Variants in GLYR1 observed in about 807,000 individuals in gnomAD.
GLYR1 encodes the protein cytokine-like nuclear factor N-PAC.
In GLYR1, 21 loss-of-function variants were observed where a neutral mutation model predicts 72.7. That is an observed-to-expected ratio of 0.29 (90% CI 0.20 to 0.42). The LOEUF (loss-of-function observed/expected upper bound fraction) is 0.42. Ranked by LOEUF, GLYR1 falls within the 10% of genes least tolerant of loss-of-function variation. GLYR1 has a pLI of 1.00. For missense variants in GLYR1, 594 were observed against 712.1 expected, an observed-to-expected ratio of 0.83 and a Z score of 1.89; for synonymous variants, 392 against 270.2, an observed-to-expected ratio of 1.45 and a Z score of -4.42.
At chr16:4,844,526 T>G (rs1462673880) in intron 3 of GLYR1, among the ~76,000 whole-genome samples, 3 of 152,214 alleles carry the variant, frequency 2.0e-5, no homozygotes, top group African/African-American at 7.2e-5. Context: ...AATCCAGCAC[T>G]TTGGGAGGCC....
Position 4,820,954 on chromosome 16 carries a change from C to T in GLYR1, c.806+426G>A, listed in dbSNP as rs1348914661. ...TGCCCCACCATGGCCAATTTTGGGG[C>T]CTCATCATGATTCTACTCAGCCAGT... is the stretch of plus-strand genomic sequence containing the variant. On this transcript the variant is annotated intron_variant, in intron 9 of 15. Transcript: ENST00000321919. Among the ~76,000 whole-genome samples, 3 of 152,232 alleles carry T rather than the reference C, an allele frequency of 2.0e-5. 1 individual carries two copies. The South Asian group carries it at 6.2e-4, about 32-fold the overall frequency.
intron 3 of GLYR1, chr16:4,844,006 C>T (rs1301206298): frequency 3.2e-5 from 5 of 154,220 alleles, no homozygotes; most frequent in East Asian, 1.9e-4. Context: ...CCCAGCTACT[C>T]GGGAGGCTCA....
intron 2 of GLYR1, 133 bp downstream of exon 2, chr16:4,846,041 G>C: frequency 1.1e-6 from 1 of 915,082 alleles, no homozygotes; most frequent in Non-Finnish European, 1.8e-6. Context: ...GATACTAGGG[G>C]AAAAAAAATT....
chr16:4,827,617 C>T (rs114235228), intron 5 of GLYR1, among the ~76,000 whole-genome samples: 5 of 151,740 alleles, frequency 3.3e-5, no homozygotes, highest in Non-Finnish European at 5.9e-5. Flanking sequence ...ACAAAAAAAA[C>T]GGGCCAGGCA....
intron 15 of GLYR1, among the ~76,000 whole-genome samples, chr16:4,810,116 G>A (rs755043693): frequency 5.3e-5 from 8 of 152,072 alleles, no homozygotes; most frequent in Admixed American, 1.3e-4. Flanking sequence ...ACACGGATTA[G>A]TGGACATTTA....
chr16:4,828,945 A>G (rs943471579), intron 5 of GLYR1, among the ~76,000 whole-genome samples: 3 of 152,070 alleles, frequency 2.0e-5, no homozygotes, highest in African/African-American at 2.4e-5. Flanking sequence ...ATACCAGACA[A>G]TATCAATTTG....
At chr16:4,818,286 C>A (rs1364591322) in intron 9 of GLYR1, among the ~76,000 whole-genome samples, 3 of 152,296 alleles carry the variant, frequency 2.0e-5, no homozygotes, top group African/African-American at 4.8e-5. Context: ...AGCCACCATG[C>A]CCGGCCTCAC....
rs773904260 is a variant in GLYR1, at chr16:4,822,920, A to G, written c.636T>C (p.Asp212=). 1 of 1,614,168 alleles carries G rather than the reference A, an allele frequency of 6.2e-7. No homozygotes were observed. Among genetic ancestry groups the G allele is most frequent in the Non-Finnish European group, 8.5e-7 (1 of 1,179,974 alleles). Reference sequence around the variant, plus strand: ...GGAAATGATGGAAATGAGGATCTGCATCTTTAACAGGCTGAAACCAGAAAA... The same window carrying G: ...GGAAATGATGGAAATGAGGATCTGCGTCTTTAACAGGCTGAAACCAGAAAA... ...WQPTASEPVK[D]ADPHFHHFLL... The change falls in exon 7 of 16, where the codon GAT becomes GAC. Residue 212 remains aspartate, a synonymous_variant. Transcript: ENST00000321919.
chr16:4,846,933 C>T (rs533071251), intron 1 of GLYR1: 75 of 464,782 alleles, frequency 1.6e-4, no homozygotes, highest in African/African-American at 1.4e-3. Flanking sequence ...GGAAGCCTCG[C>T]GGCACCGGCG....
chr16:4,825,894 C>T (rs1457343799), intron 5 of GLYR1, among the ~76,000 whole-genome samples: 1 of 152,078 alleles, frequency 6.6e-6, no homozygotes, highest in Non-Finnish European at 1.5e-5. Flanking sequence ...CCTCGTGATC[C>T]GCCCGCCTCG....
intron 6 of GLYR1, 61 bp downstream of exon 6, chr16:4,823,759 AG>A: frequency 8.8e-7 from 1 of 1,130,102 alleles, no homozygotes; most frequent in Non-Finnish European, 1.3e-6. Context: ...AAAAAAAAAA[AG>A]GATCACACAG....
At position 4,821,369 on chromosome 16, in the gene GLYR1, A is replaced by T; in HGVS notation, c.806+11T>A. Reference sequence around the variant, plus strand: ...CAGAGCCACTGGAGGCCTTTTCATCAAAGGTCCTACTTTTTGTCTGTGGGT... The same window carrying T: ...CAGAGCCACTGGAGGCCTTTTCATCTAAGGTCCTACTTTTTGTCTGTGGGT... On this transcript the variant is annotated intron_variant, in intron 9 of 15. Transcript: ENST00000321919. 6.2e-7 allele frequency: 1 copy of T among 1,612,502 alleles called. No individual in the cohort carries two copies. The highest frequency in any genetic ancestry group is 8.5e-7 in the Non-Finnish European group (1 of 1,179,990).
At chr16:4,809,212 T>C (rs1203791091) in intron 15 of GLYR1, among the ~76,000 whole-genome samples, 2 of 127,478 alleles carry the variant, frequency 1.6e-5, no homozygotes, top group African/African-American at 3.1e-5. Context: ...TTTTTTGCGA[T>C]GGAGTCTCAC....
At position 4,821,577 on chromosome 16, in the gene GLYR1, T is replaced by C. The variant is rs1454653156; in HGVS notation, c.702A>G (p.Ala234=). The C allele has an allele frequency of 1.2e-6, 2 of 1,614,076 alleles. No homozygotes were observed. The highest frequency in any genetic ancestry group is 2.2e-5 in the South Asian group (2 of 91,078). Residue 234 remains alanine (A), a synonymous_variant, in exon 8 of 16, where the codon GCA becomes GCG. Coordinates refer to ENST00000321919, the MANE Select transcript of GLYR1 (RefSeq NM_032569.4). ...CACATATTTTCAACTTCTTCGTGAT[T>C]GCCTGGTAACAGACAGCTGGCTAAT... The part of the protein sequence containing the change: ...QTEKPAVCYQ[A]ITKKLKICEE...
At position 4,814,558 on chromosome 16, in the gene GLYR1, C is replaced by G. The variant is rs781066748; in HGVS notation, c.996G>C (p.Ser332=). The G allele has an allele frequency of 1.2e-6, 2 of 1,613,766 alleles. No homozygotes were observed. Among genetic ancestry groups the G allele is most frequent in the Non-Finnish European group, 1.7e-6 (2 of 1,179,996 alleles). The change falls in exon 11 of 16, where the codon TCG becomes TCC. Residue 332 remains serine, a synonymous_variant. Coordinates refer to ENST00000321919, the MANE Select transcript of GLYR1 (RefSeq NM_032569.4). ...TTACGTCCTTGGCCGCCTTGGGATCCGACACGCAGGCGAAAGTGATGTCGC... is the reference window on the plus strand; with the variant it reads ...TTACGTCCTTGGCCGCCTTGGGATCGGACACGCAGGCGAAAGTGATGTCGC... ...STCDITFACV[S]DPKAAKDLVL...
chr16:4,809,545 A>G (rs1379808067), intron 15 of GLYR1, among the ~76,000 whole-genome samples: 5 of 150,242 alleles, frequency 3.3e-5, no homozygotes, highest in Non-Finnish European at 5.9e-5. Context: ...CCGGGAGACG[A>G]AGCTTGCAGT....
At chr16:4,806,140 C>T (rs1462252026) in intron 15 of GLYR1, among the ~76,000 whole-genome samples, 1 of 152,184 alleles carries the variant, frequency 6.6e-6, no homozygotes, top group Non-Finnish European at 1.5e-5. Context: ...TATCTGGAGA[C>T]ATTTTCTGTC....
rs1180713507 is a variant in GLYR1, at chr16:4,823,680, T to C, written c.624+141A>G. The C allele has an allele frequency of 7.4e-5, 55 of 739,226 alleles. No individual in the cohort carries two copies. The East Asian group carries it at 1.3e-3, about 18-fold the overall frequency. The allele number at this position is 739,226 out of a possible 1,614,324, so 45.8% of individuals were successfully genotyped here. A position where few individuals can be genotyped will look rare whatever the true frequency, so the allele number is the denominator to read the frequency against. ...CCCTAGAGGGAAATTTTTAATTTTT[T>C]ATTTCATAGACTTCTGTACTGTTTT... On this transcript the variant is annotated intron_variant, in intron 6 of 15. Coordinates refer to ENST00000321919, the MANE Select transcript of GLYR1 (RefSeq NM_032569.4).
chr16:4,843,859 GCT>G, intron 3 of GLYR1: 1 of 176,226 alleles, frequency 5.7e-6, no homozygotes, highest in Non-Finnish European at 1.2e-5. Context: ...ACTTTGGGAG[GCT>G]GAGGGGGTTG....
Sources: gnomAD v4.1 joint callset for allele counts (sites outside exome capture counted in the v4.1 genomes callset) on GRCh38, gnomAD v4.1.1 for gene constraint, MANE v1.5 for transcripts, NCBI Gene and HGNC (gene_info 2026-07-23, HGNC 2026-07-21) for gene names.